The following IPO7 variants were observed in gnomAD, a reference collection of about 807,000 sequenced individuals.
IPO7 encodes importin 7.
A neutral mutation model predicts 136.4 loss-of-function variants in IPO7; 13 were observed. The ratio of observed to expected loss-of-function variants is 0.10; its 90% CI spans 0.06 to 0.15. The LOEUF (loss-of-function observed/expected upper bound fraction) is 0.15, where lower values mean the gene tolerates loss of function less well. IPO7 is among the 10% of genes least tolerant of loss of function. IPO7 has a pLI of 1.00. For missense variants in IPO7, 857 were observed against 1,240.6 expected (o/e 0.69, Z 4.65); for synonymous variants, 403 against 404.4 (o/e 1.00, Z 0.04).
At chr11:9,408,736 G>C in intron 3 of IPO7, 97 bp downstream of exon 3, 1 of 648,948 alleles carries the variant, frequency 1.5e-6, no homozygotes. Flanking sequence ...TTTTTGAGAT[G>C]GACTTTCCCT....
At chr11:9,404,293 G>A (rs988709421) in intron 2 of IPO7, among the ~76,000 whole-genome samples, 1 of 151,676 alleles carries the variant, frequency 6.6e-6, no homozygotes, top group Non-Finnish European at 1.5e-5. Context: ...GTGAAACCCC[G>A]TCTCTACTAA....
At position 9,425,277 on chromosome 11, in the gene IPO7, G is replaced by A. The variant is rs773229193; in HGVS notation, c.1335+15G>A. The A allele has an allele frequency of 1.5e-6, 2 of 1,362,180 alleles. No individual in the cohort carries two copies. The highest frequency in any genetic ancestry group is 4.6e-5 in the East Asian group (2 of 43,750). The allele number at this position is 1,362,180 out of a possible 1,614,324, so 84.4% of individuals were successfully genotyped here. A position where few individuals can be genotyped will look rare whatever the true frequency, so the allele number is the denominator to read the frequency against. ...TACTTCTGAAGGTATTCTTTAGTGTGTTTGTATGTGCATGACTATGCAAGT... is the reference window on the plus strand; with the variant it reads ...TACTTCTGAAGGTATTCTTTAGTGTATTTGTATGTGCATGACTATGCAAGT... On this transcript the variant is annotated intron_variant, in intron 12 of 24. Transcript: ENST00000379719.
intron 8 of IPO7, among the ~76,000 whole-genome samples, chr11:9,422,796 A>G (rs957261311): frequency 6.6e-6 from 1 of 152,246 alleles, no homozygotes; most frequent in Non-Finnish European, 1.5e-5. Flanking sequence ...AACAACAACA[A>G]AAAAAACCCC....
chr11:9,420,956 G>A (rs1011231509), intron 8 of IPO7, among the ~76,000 whole-genome samples: 2 of 151,992 alleles, frequency 1.3e-5, no homozygotes, highest in African/African-American at 4.8e-5. Flanking sequence ...TATAATAACA[G>A]GCCTATTATA....
In IPO7 at chr11:9,430,905, G is replaced by T. The variant is rs772375604; in HGVS notation, c.1783G>T (p.Gly595Trp). 12 of 1,611,684 alleles carry T rather than the reference G, an allele frequency of 7.4e-6. No individual in the cohort carries two copies. Among genetic ancestry groups the T allele is most frequent in the Non-Finnish European group, 1.7e-6 (2 of 1,178,950 alleles). Residue 595 changes from glycine to tryptophan, a missense_variant, in exon 16 of 25, where the codon GGG becomes TGG. Around this residue, in one of 11 missense-constraint regions of IPO7, gnomAD observed 58 missense variants for 122.1 expected, o/e 0.47. Transcript: ENST00000379719. ...GACATTTAACCAAGTAATCCAGACG[G>T]GGCCAGATGAAGAAGGTAGTGATGA... is the stretch of plus-strand genomic sequence containing the variant. ...AMTFNQVIQT[G>W]PDEEGSDDKA...
At chr11:9,405,238 G>A (rs575193234) in intron 2 of IPO7, among the ~76,000 whole-genome samples, 2 of 151,856 alleles carry the variant, frequency 1.3e-5, no homozygotes, top group African/African-American at 2.4e-5. Flanking sequence ...GCAGTGGCGC[G>A]ATCTCGGCTC....
chr11:9,447,779 T>C lies in IPO7; in HGVS notation c.*2585T>C, dbSNP rs964555720. ...TTTTTTTCTTGAAAAAGCCTTTCTA[T>C]TTATCAGTATTAAATAAAGGAAGTT... On this transcript the variant is annotated 3_prime_UTR_variant, in exon 25 of 25. Coordinates refer to ENST00000379719, the MANE Select transcript of IPO7 (RefSeq NM_006391.3). 3 of 152,142 alleles carry C rather than the reference T, an allele frequency of 2.0e-5. No individual in the cohort carries two copies. Among genetic ancestry groups the C allele is most frequent in the African/African-American group, 7.2e-5 (3 of 41,430 alleles). The allele number at this position is 152,142 out of a possible 1,614,324, so 9.4% of individuals were successfully genotyped here.
intron 4 of IPO7, among the ~76,000 whole-genome samples, chr11:9,410,351 G>A (rs982031606): frequency 3.3e-5 from 5 of 151,998 alleles, no homozygotes; most frequent in African/African-American, 1.2e-4. Context: ...CTCTAAAGAC[G>A]GCCTCCTCAA....
intron 6 of IPO7, among the ~76,000 whole-genome samples, chr11:9,418,544 A>G (rs2133745788): frequency 6.6e-6 from 1 of 152,318 alleles, no homozygotes; most frequent in Admixed American, 6.5e-5. Context: ...TTTTTTAAAG[A>G]TTTGTTTCAA....
chr11:9,432,718 G>A (rs1377793044), intron 16 of IPO7, among the ~76,000 whole-genome samples: 2 of 152,094 alleles, frequency 1.3e-5, no homozygotes, highest in East Asian at 3.9e-4. Context: ...ATGGCCCTCA[G>A]GGATTTGGGA....
At chr11:9,407,399 C>G (rs1854902611) in intron 2 of IPO7, among the ~76,000 whole-genome samples, 1 of 152,056 alleles carries the variant, frequency 6.6e-6, no homozygotes, top group Admixed American at 6.6e-5. Flanking sequence ...ACTAAAAATA[C>G]AAAAATTACC....
chr11:9,405,238 G>C (rs575193234), intron 2 of IPO7, among the ~76,000 whole-genome samples: 38 of 151,974 alleles, frequency 2.5e-4, no homozygotes, highest in Admixed American at 9.2e-4. Flanking sequence ...GCAGTGGCGC[G>C]ATCTCGGCTC....
At position 9,408,317 on chromosome 11, in the gene IPO7, C is replaced by T. The variant is rs569455910; in HGVS notation, c.167-169C>T. Among the ~76,000 whole-genome samples, 73 of 152,170 alleles carry T rather than the reference C, an allele frequency of 4.8e-4. 1 individual carries two copies. In the South Asian group the frequency reaches 0.015, roughly 31 times the overall value. ...TGTGCTTGATTGCTGTAACAGTGTT[C>T]AATTTGTGCATTATCAACTTTAAAA... On this transcript the variant is annotated intron_variant, in intron 2 of 24. Coordinates refer to ENST00000379719, the MANE Select transcript of IPO7 (RefSeq NM_006391.3).
Position 9,390,362 on chromosome 11 carries a change from C to G in IPO7, c.84+5515C>G, listed in dbSNP as rs183624739. On this transcript the variant is annotated intron_variant, in intron 1 of 24. Transcript: ENST00000379719. ...GATTGTCACAAAAGGTTAACTATTA[C>G]TGCTGTATGTGATATACCTTACTTA... Among the ~76,000 whole-genome samples, 194 of 151,678 alleles carry G rather than the reference C, an allele frequency of 1.3e-3. 1 individual carries two copies. The highest frequency in any genetic ancestry group is 1.9e-3 in the Non-Finnish European group (130 of 67,964).
intron 16 of IPO7, 180 bp from the exon 17 acceptor site, chr11:9,433,390 A>AT (rs2133760176): frequency 1.8e-6 from 1 of 555,438 alleles, no homozygotes. Flanking sequence ...TTGTAATGGT[A>AT]TTTCATTCTA....
Position 9,433,653 on chromosome 11 carries a change from T to G in IPO7, c.1948+17T>G. 6.2e-7 allele frequency: 1 copy of G among 1,612,842 alleles called. No homozygotes were observed. The highest frequency in any genetic ancestry group is 1.1e-5 in the South Asian group (1 of 91,026). ...ATGTCTTAGGTATTATACCTCTGATTGTGCTAAGAATTTAGTGCTATTTCA... is the reference window on the plus strand; with the variant it reads ...ATGTCTTAGGTATTATACCTCTGATGGTGCTAAGAATTTAGTGCTATTTCA... On this transcript the variant is annotated intron_variant, in intron 17 of 24. Coordinates refer to ENST00000379719, the MANE Select transcript of IPO7 (RefSeq NM_006391.3).
In IPO7 at chr11:9,397,330, ATTT is replaced by A. The variant is rs1246803221; in HGVS notation, c.85-5959_85-5957del. ...TGAAACCCCGTCTTTACTAAAAATAATTTAAAAAAAAATATATATATATATATA... is the reference window on the plus strand; with the variant it reads ...TGAAACCCCGTCTTTACTAAAAATAAAAAAAAAAATATATATATATATATA... On this transcript the variant is annotated intron_variant, in intron 1 of 24. Coordinates refer to ENST00000379719, the MANE Select transcript of IPO7 (RefSeq NM_006391.3). Among the ~76,000 whole-genome samples the A allele has an allele frequency of 2.9e-3, 100 of 34,038 alleles. 3 individuals carry two copies. The highest frequency in any genetic ancestry group is 0.016 in the African/African-American group (98 of 6,260). The allele number at this position is 34,038 out of a possible 152,430, so 22.3% of individuals were successfully genotyped here.
intron 4 of IPO7, among the ~76,000 whole-genome samples, chr11:9,412,022 G>T (rs375797912): frequency 1.3e-5 from 2 of 152,290 alleles, no homozygotes; most frequent in East Asian, 3.9e-4. Context: ...GTGTATAATT[G>T]TAGTTTGTAT....
At position 9,445,149 on chromosome 11, in the gene IPO7, G is replaced by A; in HGVS notation, c.3072G>A (p.Val1024=). 2.5e-6 allele frequency: 4 copies of A among 1,612,140 alleles called. No individual in the cohort carries two copies. The South Asian group carries it at 4.4e-5, about 18-fold the overall frequency. Residue 1024 remains valine (V), a synonymous_variant, in exon 25 of 25, where the codon GTG becomes GTA. Transcript: ENST00000379719. ...HGGYKFSAPV[V]PSSFNFGGPA... ...GATACAAATTCAGTGCTCCAGTTGT[G>A]CCAAGTTCTTTCAATTTTGGAGGCC...
Sources: gnomAD v4.1 joint callset for allele counts (sites outside exome capture counted in the v4.1 genomes callset) on GRCh38, gnomAD v4.1.1 for gene constraint, gnomAD v4.1.1 regional missense constraint, MANE v1.5 for transcripts, NCBI Gene and HGNC (gene_info 2026-07-23, HGNC 2026-07-21) for gene names.